Variants in MDGA1 observed in about 807,000 individuals in gnomAD.
MDGA1 encodes MAM domain containing glycosylphosphatidylinositol anchor 1, also known as MAM domain-containing glycosylphosphatidylinositol anchor protein 1.
MDGA1 carries 54 observed loss-of-function variants against 101.5 expected under a neutral mutation model. The observed-to-expected ratio is 0.53, with a 90% CI of 0.43 to 0.67. The LOEUF (loss-of-function observed/expected upper bound fraction) is 0.67, where lower values mean the gene tolerates loss of function less well. Among genes scored for constraint, MDGA1 ranks in the 30% least tolerant of loss-of-function variants. MDGA1 has a pLI of 0.00. For missense variants in MDGA1, 1,083 were observed against 1,323.8 expected (o/e 0.82, Z 2.82); for synonymous variants, 533 against 558.3 (o/e 0.95, Z 0.64).
In MDGA1 at chr6:37,635,724, G is replaced by A; in HGVS notation, c.*1644C>T. ...AGCCCTGTGATGCTCCTCACCAAAGGTGCTTGCATTCAATAGGGTCATCTG... is the reference window on the plus strand; with the variant it reads ...AGCCCTGTGATGCTCCTCACCAAAGATGCTTGCATTCAATAGGGTCATCTG... On this transcript the variant is annotated 3_prime_UTR_variant, in exon 17 of 17. Transcript: ENST00000434837. 2 of 398,662 alleles carry A rather than the reference G, an allele frequency of 5.0e-6. No individual in the cohort carries two copies. Among genetic ancestry groups the A allele is most frequent in the Non-Finnish European group, 8.8e-6 (2 of 226,092 alleles). The allele number at this position is 398,662 out of a possible 1,614,324, so 24.7% of individuals were successfully genotyped here.
chr6:37,690,981 T>C (rs1215402251), intron 1 of MDGA1, among the ~76,000 whole-genome samples: 1 of 152,140 alleles, frequency 6.6e-6, no homozygotes, highest in African/African-American at 2.4e-5. Flanking sequence ...ATGCTCTCTT[T>C]TCCACAAGGC....
At chr6:37,657,275 G>C (rs1467769502) in intron 3 of MDGA1, among the ~76,000 whole-genome samples, 3 of 152,222 alleles carry the variant, frequency 2.0e-5, no homozygotes, top group Admixed American at 6.5e-5. Context: ...GGGTCCCCTA[G>C]AGAGCTTAAT....
intron 1 of MDGA1, among the ~76,000 whole-genome samples, chr6:37,675,824 C>A (rs1182131522): frequency 1.3e-5 from 2 of 152,140 alleles, no homozygotes; most frequent in African/African-American, 4.8e-5. Context: ...TCTTGGAGAC[C>A]CCATCACTGT....
intron 1 of MDGA1, among the ~76,000 whole-genome samples, chr6:37,666,167 G>GA (rs201990721): frequency 0.017 from 2,360 of 141,718 alleles, 47 homozygotes; most frequent in African/African-American, 0.048. Flanking sequence ...TCAACATGCT[G>GA]AAACCCCGTC....
rs780576411 is a variant in MDGA1 at position 37,643,841 on chromosome 6, G to C, written c.2504C>G (p.Ser835Cys). Residue 835 changes from serine (S) to cysteine (C), a missense_variant, in exon 14 of 17, where the codon TCC becomes TGC. By Grantham distance (112) the Ser-to-Cys change is moderately radical. Around this residue, in one of 3 missense-constraint regions of MDGA1, gnomAD observed 657 missense variants for 771.4 expected, o/e 0.85. Coordinates refer to ENST00000434837, the MANE Select transcript of MDGA1 (RefSeq NM_153487.4). ...TTTCCCGTACATGTGGTAGAAGAAG[G>C]AGACACAGTAGAACTTGGCGCTGGC... ...YNASAKFYCV[S>C]FFYHMYGKHI... The C allele has an allele frequency of 1.2e-6, 2 of 1,613,810 alleles. No homozygotes were observed. Among genetic ancestry groups the C allele is most frequent in the Non-Finnish European group, 1.7e-6 (2 of 1,179,884 alleles).
At chr6:37,684,725 G>A (rs4714094) in intron 1 of MDGA1, among the ~76,000 whole-genome samples, 65,806 of 151,912 alleles carry the variant, frequency 0.43, 14,883 homozygotes, top group African/African-American at 0.55. Context: ...CCATACCCTC[G>A]TGCCCCTCCT....
chr6:37,647,331 G>T lies in MDGA1; in HGVS notation c.1895-7C>A. Reference sequence around the variant, plus strand: ...TCCGGGCTGTAGGCTTTGGCTAAGAGGGCGGGGAGGGGGGCATTGGGCCGT... The same window carrying T: ...TCCGGGCTGTAGGCTTTGGCTAAGATGGCGGGGAGGGGGGCATTGGGCCGT... On this transcript the variant is annotated splice_region_variant and splice_polypyrimidine_tract_variant and intron_variant, in intron 9 of 16. Transcript: ENST00000434837. The T allele has an allele frequency of 6.6e-7, 1 of 1,524,808 alleles. No individual in the cohort carries two copies. The allele number at this position is 1,524,808 out of a possible 1,614,324, so 94.5% of individuals were successfully genotyped here. A position where few individuals can be genotyped will look rare whatever the true frequency, so the allele number is the denominator to read the frequency against.
rs369745853 is a variant in MDGA1 at position 37,677,710 on chromosome 6, A to G, written c.68-13604T>C. Among the ~76,000 whole-genome samples, 4 of 152,256 alleles carry G rather than the reference A, an allele frequency of 2.6e-5. 1 individual carries two copies. The highest frequency in any genetic ancestry group is 6.3e-3 in the Middle Eastern group (2 of 316). Reference sequence around the variant, plus strand: ...TATGAAGTTGTTTAAGTGGATAATAATAACAATAACAACAATGAAAGCAAA... The same window carrying G: ...TATGAAGTTGTTTAAGTGGATAATAGTAACAATAACAACAATGAAAGCAAA... On this transcript the variant is annotated intron_variant, in intron 1 of 16. Transcript: ENST00000434837.
chr6:37,695,557 G>A (rs1762398784), intron 1 of MDGA1, among the ~76,000 whole-genome samples: 1 of 152,180 alleles, frequency 6.6e-6, no homozygotes, highest in Non-Finnish European at 1.5e-5. Flanking sequence ...CACCCTTCAG[G>A]ACACCCCTTC....
intron 7 of MDGA1, among the ~76,000 whole-genome samples, chr6:37,650,918 G>A (rs750052219): frequency 6.6e-6 from 1 of 152,216 alleles, no homozygotes; most frequent in Non-Finnish European, 1.5e-5. Flanking sequence ...GTTAGCTACA[G>A]CCACGTGACT....
chr6:37,674,917 T>C (rs1269122987), intron 1 of MDGA1, among the ~76,000 whole-genome samples: 2 of 151,676 alleles, frequency 1.3e-5, no homozygotes, highest in Non-Finnish European at 2.9e-5. Flanking sequence ...ATTAGCTGAG[T>C]GTGGTGGCAG....
At chr6:37,666,693 T>C (rs1012838057) in intron 1 of MDGA1, among the ~76,000 whole-genome samples, 1 of 152,194 alleles carries the variant, frequency 6.6e-6, no homozygotes, top group African/African-American at 2.4e-5. Flanking sequence ...TCAGTGAATG[T>C]TGAACGAATG....
intron 1 of MDGA1, among the ~76,000 whole-genome samples, chr6:37,678,687 C>G (rs965701892): frequency 6.6e-6 from 1 of 151,468 alleles, no homozygotes; most frequent in Non-Finnish European, 1.5e-5. Flanking sequence ...GCCCCACCCC[C>G]TCCCCACTGC....
At chr6:37,686,496 G>A (rs11758275) in intron 1 of MDGA1, among the ~76,000 whole-genome samples, 14,399 of 150,512 alleles carry the variant, frequency 0.096, 712 homozygotes, top group Middle Eastern at 0.14. Flanking sequence ...GCGTGATCTC[G>A]GCTCACTACA....
chr6:37,680,701 C>T (rs1311610350), intron 1 of MDGA1, among the ~76,000 whole-genome samples: 3 of 152,198 alleles, frequency 2.0e-5, no homozygotes, highest in Non-Finnish European at 4.4e-5. Flanking sequence ...CCACACTGCA[C>T]CAGCGCTTTT....
chr6:37,651,357 T>C (rs1318231577), intron 7 of MDGA1, among the ~76,000 whole-genome samples: 2 of 152,250 alleles, frequency 1.3e-5, no homozygotes, highest in African/African-American at 4.8e-5. Flanking sequence ...AATGTACCCA[T>C]GTTCCACATT....
At position 37,677,111 on chromosome 6, in the gene MDGA1, T is replaced by C. The variant is rs555457225; in HGVS notation, c.68-13005A>G. On this transcript the variant is annotated intron_variant, in intron 1 of 16. Transcript: ENST00000434837. The stretch of plus-strand genomic sequence containing the variant: ...TGCATAGAGCAGGACTTATTATTAT[T>C]AGGTGCCGAACGACCCAAGTATGGC... Among the ~76,000 whole-genome samples the C allele has an allele frequency of 1.8e-3, 267 of 152,312 alleles. 3 individuals are homozygous for C. Among genetic ancestry groups the C allele is most frequent in the African/African-American group, 6.1e-3 (252 of 41,572 alleles).
rs1451873322 is a variant in MDGA1, at chr6:37,638,284, G to C, written c.2697C>G (p.Gly899=). The C allele has an allele frequency of 1.7e-5, 27 of 1,612,426 alleles. No homozygotes were observed. Among genetic ancestry groups the C allele is most frequent in the Non-Finnish European group, 2.3e-5 (27 of 1,179,384 alleles). The part of the protein sequence containing the change: ...QIIFEGVRGP[G]YLGDIAIDDV... ...CATCTATGGCAATATCCCCCAGGTA[G>C]CCCGGGCCTCGAACCCCCTCAAAAA... The change falls in exon 16 of 17, where the codon GGC becomes GGG. Residue 899 remains glycine, a synonymous_variant. Coordinates refer to ENST00000434837, the MANE Select transcript of MDGA1 (RefSeq NM_153487.4). The surrounding 1 kb of genome is among the most constrained non-coding windows in gnomAD (Gnocchi z 4.8).
rs1314734218 is a variant in MDGA1, at chr6:37,654,276, C to T, written c.980G>A (p.Arg327Gln). The T allele has an allele frequency of 5.2e-6, 8 of 1,541,486 alleles. No homozygotes were observed. Among genetic ancestry groups the T allele is most frequent in the South Asian group, 1.3e-5 (1 of 78,424 alleles). ...CCACCCCTTCTGAGGCCACGTACATCGCACCAGCAGGTTGACAGTCTTCTT... is the reference window on the plus strand; with the variant it reads ...CCACCCCTTCTGAGGCCACGTACATTGCACCAGCAGGTTGACAGTCTTCTT... The part of the protein sequence containing the change: ...PAKKTVNLLV[R>Q]SMKNATFQIT... Residue 327 changes from arginine (R) to glutamine (Q), a missense_variant and splice_region_variant, in exon 6 of 17, where the codon CGA becomes CAA. Around this residue, in one of 3 missense-constraint regions of MDGA1, gnomAD observed 116 missense variants for 196.6 expected, o/e 0.59. Transcript: ENST00000434837.
Sources: gnomAD v4.1 joint callset for allele counts (sites outside exome capture counted in the v4.1 genomes callset) on GRCh38, gnomAD v4.1.1 for gene constraint, gnomAD v4.1.1 regional missense constraint, Gnocchi (gnomAD v3.1) non-coding constraint, MANE v1.5 for transcripts, NCBI Gene and HGNC (gene_info 2026-07-23, HGNC 2026-07-21) for gene names.